NDUFAF6: variants seen among roughly 807,000 people sequenced by gnomAD.
NDUFAF6 encodes the protein NADH:ubiquinone oxidoreductase complex assembly factor 6.
In NDUFAF6, 45 loss-of-function variants were observed where a neutral mutation model predicts 40.8. The ratio of observed to expected loss-of-function variants is 1.10; its 90% CI spans 0.87 to 1.42. The LOEUF (loss-of-function observed/expected upper bound fraction) is 1.42, where lower values mean the gene tolerates loss of function less well. Ranked by LOEUF, NDUFAF6 falls within the 40% of genes most tolerant of loss-of-function variation. The probability of loss-of-function intolerance (pLI) is 0.00; values close to 1 mark genes in which losing one functional copy is unlikely to be tolerated. For missense variants in NDUFAF6, 435 were observed against 418.5 expected, an observed-to-expected ratio of 1.04 and a Z score of -0.34; for synonymous variants, 185 against 155.9, an observed-to-expected ratio of 1.19 and a Z score of -1.39.
chr8:94,997,376 T>G (rs370952768), intron 2 of NDUFAF6, among the ~76,000 whole-genome samples: 1 of 119,784 alleles, frequency 8.3e-6, no homozygotes, highest in Admixed American at 8.0e-5. Context: ...ACAGAGAGAA[T>G]GTAAGAGACA....
At chr8:94,939,904 C>A (rs111945477) in intron 1 of NDUFAF6, 1 of 1,614,090 alleles carries the variant, frequency 6.2e-7, no homozygotes. Context: ...CACGGGTGGC[C>A]TCACTGAGAC....
chr8:95,095,755 C>G (rs561808514), upstream of NDUFAF6, among the ~76,000 whole-genome samples: 2 of 152,038 alleles, frequency 1.3e-5, no homozygotes, highest in African/African-American at 4.8e-5. Flanking sequence ...ACCTCTGCCC[C>G]CTGGGTTCAA....
intron 1 of NDUFAF6, among the ~76,000 whole-genome samples, chr8:94,918,421 G>T (rs1378394786): frequency 6.6e-6 from 1 of 152,084 alleles, no homozygotes; most frequent in African/African-American, 2.4e-5. Flanking sequence ...TATTTCAGAG[G>T]CTGGGATGAT....
At chr8:95,103,526 G>C (rs1809720687), downstream of NDUFAF6, 1 of 152,178 alleles carries the variant, frequency 6.6e-6, no homozygotes, top group African/African-American at 2.4e-5. Flanking sequence ...CTTTATTACT[G>C]AGAAAAGTTC....
intron 6 of NDUFAF6, 150 bp downstream of exon 6, chr8:95,047,277 GAGTT>G: frequency 9.0e-7 from 1 of 1,112,216 alleles, no homozygotes; most frequent in East Asian, 2.6e-5. Flanking sequence ...TTTTATCCCA[GAGTT>G]ATCAAGTCAG....
chr8:95,058,208 T>G lies in NDUFAF6; in HGVS notation c.*271T>G. ...GGAGCTCCAACAGGGAATATTGGTGTAGCTGTGCATAGGCCATAAGCCACA... is the reference window on the plus strand; with the variant it reads ...GGAGCTCCAACAGGGAATATTGGTGGAGCTGTGCATAGGCCATAAGCCACA... On this transcript the variant is annotated 3_prime_UTR_variant, in exon 9 of 9. Coordinates refer to ENST00000396124, the MANE Select transcript of NDUFAF6 (RefSeq NM_152416.4). The G allele has an allele frequency of 7.1e-7, 1 of 1,411,868 alleles. No individual in the cohort carries two copies. Among genetic ancestry groups the G allele is most frequent in the Non-Finnish European group, 9.2e-7 (1 of 1,091,454 alleles). 87.5% of individuals were successfully genotyped at this position (1,411,868 alleles called of 1,614,324 possible).
chr8:95,096,381 G>A (rs915871746), upstream of NDUFAF6, among the ~76,000 whole-genome samples: 1 of 152,182 alleles, frequency 6.6e-6, no homozygotes, highest in African/African-American at 2.4e-5. Context: ...AATGCCTGGG[G>A]CAAGTCACTG....
At chr8:95,033,804 A>C (rs539098646) in intron 2 of NDUFAF6, among the ~76,000 whole-genome samples, 1 of 152,304 alleles carries the variant, frequency 6.6e-6, no homozygotes, top group African/African-American at 2.4e-5. Context: ...TCTAAGGTGC[A>C]ATTGTGCCTG....
At chr8:94,902,951 G>C (rs1003027309) in intron 1 of NDUFAF6, among the ~76,000 whole-genome samples, 1 of 152,076 alleles carries the variant, frequency 6.6e-6, no homozygotes, top group African/African-American at 2.4e-5. Flanking sequence ...TGATCCACCT[G>C]CCTCGGCCTC....
intron 1 of NDUFAF6, among the ~76,000 whole-genome samples, chr8:95,031,761 C>T (rs199886612): frequency 1.6e-4 from 24 of 152,104 alleles, no homozygotes; most frequent in Admixed American, 8.5e-4. Flanking sequence ...CCACCATGCC[C>T]GACTAATTTT....
intron 1 of NDUFAF6, among the ~76,000 whole-genome samples, chr8:94,906,098 AT>A (rs1312221831): frequency 6.6e-6 from 1 of 152,208 alleles, no homozygotes; most frequent in Non-Finnish European, 1.5e-5. Context: ...CCTAGTCATC[AT>A]GTTTATGAAC....
intron 4 of NDUFAF6, among the ~76,000 whole-genome samples, chr8:95,042,208 C>G (rs988734729): frequency 1.8e-4 from 28 of 152,166 alleles, no homozygotes; most frequent in African/African-American, 6.3e-4. Flanking sequence ...GAACTGAGTT[C>G]TAGGTCCAGC....
intron 9 of NDUFAF6, chr8:95,069,226 G>C (rs955237813): frequency 3.9e-5 from 6 of 151,900 alleles, no homozygotes; most frequent in African/African-American, 1.2e-4. Flanking sequence ...TGTTCTCATG[G>C]AGCTTATATC....
At chr8:94,941,915 A>G (rs2131373405) in intron 1 of NDUFAF6, among the ~76,000 whole-genome samples, 1 of 152,060 alleles carries the variant, frequency 6.6e-6, no homozygotes, top group East Asian at 1.9e-4. Context: ...AACCAAACAC[A>G]TACCAAAGAT....
At chr8:95,019,362 TTTA>T (rs1454964481) in intron 2 of NDUFAF6, among the ~76,000 whole-genome samples, 1 of 152,250 alleles carries the variant, frequency 6.6e-6, no homozygotes, top group African/African-American at 2.4e-5. Context: ...ACTTTAGTTC[TTTA>T]TTGTAATTAG....
intron 2 of NDUFAF6, among the ~76,000 whole-genome samples, chr8:94,990,547 A>G (rs956828135): frequency 1.3e-5 from 2 of 152,208 alleles, no homozygotes; most frequent in Admixed American, 1.3e-4. Flanking sequence ...TTGTCACCCA[A>G]AAACTCTAAC....
At chr8:95,035,204 T>G (rs1829347439) in intron 2 of NDUFAF6, among the ~76,000 whole-genome samples, 2 of 151,982 alleles carry the variant, frequency 1.3e-5, no homozygotes, top group South Asian at 4.2e-4. Flanking sequence ...TAGTAGTGAG[T>G]GAGGGAGACA....
intron 1 of NDUFAF6, among the ~76,000 whole-genome samples, chr8:94,916,994 G>C (rs572293852): frequency 6.7e-6 from 1 of 150,154 alleles, no homozygotes; most frequent in South Asian, 2.1e-4. Context: ...GGCACCTGTA[G>C]TCCCAGCTAC....
intron 1 of NDUFAF6, chr8:94,940,771 G>T: frequency 7.7e-7 from 1 of 1,298,530 alleles, no homozygotes; most frequent in Non-Finnish European, 1.1e-6. Context: ...CAAAAACTGA[G>T]ATGCAAGTTT....
Sources: allele counts gnomAD v4.1 joint callset (sites outside exome capture counted in the v4.1 genomes callset), GRCh38; gene constraint gnomAD v4.1.1; transcripts MANE v1.5; gene names NCBI Gene and HGNC (gene_info 2026-07-23, HGNC 2026-07-21).